The following CLTCL1 variants were observed in gnomAD, a reference collection of about 807,000 sequenced individuals.
CLTCL1 encodes clathrin heavy chain like 1.
Under a neutral mutation model 190.0 loss-of-function variants are expected in CLTCL1, and 159 were observed. That is an observed-to-expected ratio of 0.84 (90% CI 0.74 to 0.95). CLTCL1 has a LOEUF of 0.95. Among genes scored for constraint, CLTCL1 ranks in the 40% least tolerant of loss-of-function variants. The pLI is 0.00. For synonymous variants in CLTCL1, 752 were observed against 769.6 expected (o/e 0.98, Z 0.38); for missense variants, 1,878 against 2,033.4 (o/e 0.92, Z 1.47).
At chr22:19,253,338 C>T (rs812088) in intron 3 of CLTCL1, among the ~76,000 whole-genome samples, 8,977 of 152,126 alleles carry the variant, frequency 0.059, 331 homozygotes, top group Middle Eastern at 0.16. Flanking sequence ...GCCAGCTGAC[C>T]GCCCATTTCC....
intron 22 of CLTCL1, among the ~76,000 whole-genome samples, chr22:19,206,159 C>T (rs1226411853): frequency 9.2e-5 from 14 of 152,154 alleles, no homozygotes; most frequent in African/African-American, 3.4e-4. Flanking sequence ...CTCCTGACCT[C>T]AAGTGATCCA....
intron 3 of CLTCL1, among the ~76,000 whole-genome samples, chr22:19,251,560 C>G (rs1474220241): frequency 3.3e-5 from 5 of 152,304 alleles, no homozygotes; most frequent in African/African-American, 4.8e-5. Context: ...GGGTTCATGC[C>G]ATTCTCCTGC....
intron 1 of CLTCL1, among the ~76,000 whole-genome samples, chr22:19,282,580 G>C (rs1569259546): frequency 6.7e-6 from 1 of 149,036 alleles, no homozygotes; most frequent in African/African-American, 2.5e-5. Flanking sequence ...AGCAAGCCAG[G>C]ATCACTCCAC....
chr22:19,262,238 G>T (rs1259132187), intron 2 of CLTCL1, among the ~76,000 whole-genome samples: 3 of 151,564 alleles, frequency 2.0e-5, no homozygotes, highest in African/African-American at 7.3e-5. Flanking sequence ...ATGTTGGCCA[G>T]GATGGTCTCG....
chr22:19,204,967 G>T (rs887657041), intron 22 of CLTCL1, among the ~76,000 whole-genome samples: 7 of 152,186 alleles, frequency 4.6e-5, no homozygotes, highest in Non-Finnish European at 1.0e-4. Flanking sequence ...GGCCCACAGC[G>T]CCTCTGACTC....
chr22:19,243,242 A>G (rs1279686702), intron 3 of CLTCL1, among the ~76,000 whole-genome samples: 1 of 152,208 alleles, frequency 6.6e-6, no homozygotes, highest in African/African-American at 2.4e-5. Flanking sequence ...GAAAAACTCT[A>G]AAGCATTAAT....
intron 2 of CLTCL1, among the ~76,000 whole-genome samples, chr22:19,267,477 C>G (rs1170200981): frequency 6.6e-6 from 1 of 152,152 alleles, no homozygotes; most frequent in African/African-American, 2.4e-5. Context: ...TGTGGCAATT[C>G]AAAGGATCTC....
At chr22:19,211,684 A>G (rs1448393077) in intron 19 of CLTCL1, among the ~76,000 whole-genome samples, 5 of 151,138 alleles carry the variant, frequency 3.3e-5, no homozygotes, top group East Asian at 2.0e-4. Flanking sequence ...GGAGAATGGC[A>G]CGAACCCAGG....
intron 29 of CLTCL1, among the ~76,000 whole-genome samples, chr22:19,185,960 G>A (rs1555928191): frequency 6.6e-6 from 1 of 152,198 alleles, no homozygotes; most frequent in East Asian, 1.9e-4. Flanking sequence ...CTCTGCAGGG[G>A]CCCTGTGGGC....
chr22:19,191,229 A>G (rs959862082), intron 27 of CLTCL1, 75 bp downstream of exon 27: 1 of 1,568,202 alleles, frequency 6.4e-7, no homozygotes, highest in Admixed American at 1.8e-5. Context: ...ACTCTTTATA[A>G]AGGTGCTATC....
chr22:19,230,097 G>C (rs2800962), intron 10 of CLTCL1, 122 bp from the exon 11 acceptor site: 108 of 565,672 alleles, frequency 1.9e-4, no homozygotes, highest in African/African-American at 1.7e-3. Flanking sequence ...TCCCTCCCTT[G>C]GTTTTTTTTT....
intron 18 of CLTCL1, among the ~76,000 whole-genome samples, chr22:19,216,955 A>T (rs181789996): frequency 6.6e-5 from 10 of 152,318 alleles, no homozygotes; most frequent in Non-Finnish European, 1.2e-4. Context: ...GGGGTGGGCA[A>T]CAGCCGTGTA....
intron 7 of CLTCL1, 23 bp from the exon 8 acceptor site, chr22:19,233,645 G>A: frequency 6.2e-7 from 1 of 1,606,294 alleles, no homozygotes; most frequent in South Asian, 1.1e-5. Context: ...GGAAAAATAG[G>A]TCATTGTGTT....
chr22:19,183,232 A>G (rs945961513), intron 30 of CLTCL1, 158 bp downstream of exon 30: 9 of 630,918 alleles, frequency 1.4e-5, no homozygotes, highest in African/African-American at 1.3e-4. Flanking sequence ...CCACTTCAGC[A>G]TGAAGGAAAG....
Position 19,199,965 on chromosome 22 carries a change from T to C in CLTCL1, c.3766-124A>G, listed in dbSNP as rs1245897673. ...CAGTGGGGTATTTTAAGTTGGATTC[T>C]GAACAAGTAGCTAACTCTATGATGA... On this transcript the variant is annotated intron_variant, in intron 23 of 32. Coordinates refer to ENST00000427926, the MANE Select transcript of CLTCL1 (RefSeq NM_007098.4). 5 of 614,812 alleles carry C rather than the reference T, an allele frequency of 8.1e-6. No homozygotes were observed. The East Asian group carries it at 1.4e-4, about 17-fold the overall frequency. The allele number at this position is 614,812 out of a possible 1,614,324, so 38.1% of individuals were successfully genotyped here.
chr22:19,291,445 G>C (rs1232676238), intron 1 of CLTCL1, among the ~76,000 whole-genome samples, 155 bp downstream of exon 1: 1 of 152,020 alleles, frequency 6.6e-6, no homozygotes, highest in Non-Finnish European at 1.5e-5. Context: ...CGCCGCGCCC[G>C]GGACGCCGCA....
chr22:19,251,455 TTTTTG>T, intron 3 of CLTCL1, among the ~76,000 whole-genome samples: 1 of 152,312 alleles, frequency 6.6e-6, no homozygotes, highest in South Asian at 2.1e-4. Flanking sequence ...TCTAGATGCC[TTTTTG>T]TTTTGTTTTG....
rs373661036 is a variant in CLTCL1, at chr22:19,233,579, A to G, written c.1211T>C (p.Ile404Thr). 4.5e-5 allele frequency: 72 copies of G among 1,613,686 alleles called. No individual in the cohort carries two copies. The highest frequency in any genetic ancestry group is 1.8e-4 in the Admixed American group (11 of 60,022). ...AGAAGCCTGGCCAGACTGAGCGGGT[A>G]TACTCTGGAATTTCTGGACCGTCTC... ...TRETVQKFQS[I>T]PAQSGQASPL... The change falls in exon 8 of 33, where the codon ATA (isoleucine) becomes ACA (threonine). Residue 404 changes from isoleucine to threonine, a missense_variant. Transcript: ENST00000427926.
chr22:19,200,079 A>G (rs1223753857), intron 23 of CLTCL1, among the ~76,000 whole-genome samples: 1 of 152,198 alleles, frequency 6.6e-6, no homozygotes, highest in African/African-American at 2.4e-5. Context: ...AAGTTTGTGC[A>G]TTACTTCGTA....
Sources: gnomAD v4.1 joint callset for allele counts (sites outside exome capture counted in the v4.1 genomes callset) on GRCh38, gnomAD v4.1.1 for gene constraint, MANE v1.5 for transcripts, NCBI Gene and HGNC (gene_info 2026-07-23, HGNC 2026-07-21) for gene names.